The following DNAH2 variants were observed in gnomAD, a reference collection of about 807,000 sequenced individuals.
DNAH2 encodes dynein axonemal heavy chain 2.
In DNAH2, 323 loss-of-function variants were observed where a neutral mutation model predicts 523.5. That is an observed-to-expected ratio of 0.62 (90% CI 0.56 to 0.68). DNAH2 has a LOEUF of 0.68. Ranked by LOEUF, DNAH2 falls within the 30% of genes least tolerant of loss-of-function variation. The pLI is 0.00. For missense variants in DNAH2, 4,907 were observed against 5,701.5 expected (o/e 0.86, Z 4.49); for synonymous variants, 2,093 against 2,177.4 (o/e 0.96, Z 1.08).
At chr17:7,753,270 A>T (rs1414759088) in intron 12 of DNAH2, among the ~76,000 whole-genome samples, 1 of 151,948 alleles carries the variant, frequency 6.6e-6, no homozygotes, top group Non-Finnish European at 1.5e-5. Flanking sequence ...TTCTAGACAC[A>T]TTGAGTTTGA....
intron 24 of DNAH2, among the ~76,000 whole-genome samples, chr17:7,768,625 T>C (rs1026990069): frequency 6.6e-6 from 1 of 152,188 alleles, no homozygotes; most frequent in African/African-American, 2.4e-5. Context: ...ATTGTTGCCG[T>C]GATGTACAGG....
rs766520817 is a variant in DNAH2 at position 7,792,691 on chromosome 17, G to A, written c.7180G>A (p.Asp2394Asn). Reference sequence around the variant, plus strand: ...CTATAAGATCATGGTGCCCACCGTCGACACTGTTCGCTACAACTACCTGGT... The same window carrying A: ...CTATAAGATCATGGTGCCCACCGTCAACACTGTTCGCTACAACTACCTGGT... ...PFYKIMVPTV[D>N]TVRYNYLVSS... Residue 2394 changes from aspartate (D) to asparagine (N), a missense_variant, in exon 47 of 86, where the codon GAC becomes AAC. Asp to Asn is a conservative substitution (Grantham distance 23). Transcript: ENST00000572933. The A allele has an allele frequency of 1.9e-6, 3 of 1,614,002 alleles. No individual in the cohort carries two copies. Among genetic ancestry groups the A allele is most frequent in the East Asian group, 2.2e-5 (1 of 44,884 alleles).
chr17:7,720,798 T>C (rs1029627053), intron 2 of DNAH2, among the ~76,000 whole-genome samples: 3 of 152,146 alleles, frequency 2.0e-5, no homozygotes, highest in African/African-American at 4.8e-5. Context: ...TGTATCCTTC[T>C]GAGTTCTGAA....
At chr17:7,797,145 C>G in intron 50 of DNAH2, 31 bp from the exon 51 acceptor site, 7 of 1,561,034 alleles carry the variant, frequency 4.5e-6, no homozygotes, top group Non-Finnish European at 6.2e-6. Flanking sequence ...TCTTTTTGCT[C>G]CCTGGTCCCA....
intron 61 of DNAH2, among the ~76,000 whole-genome samples, chr17:7,805,632 C>G (rs1019391766): frequency 2.0e-5 from 3 of 152,136 alleles, no homozygotes; most frequent in Non-Finnish European, 2.9e-5. Context: ...GGGCAGATCA[C>G]TTGAGCCCAG....
chr17:7,733,659 A>G (rs1460131483), intron 5 of DNAH2, among the ~76,000 whole-genome samples: 2 of 151,640 alleles, frequency 1.3e-5, no homozygotes, highest in Admixed American at 1.3e-4. Context: ...TTGTATCTTT[A>G]GTAGAGATGG....
At chr17:7,743,655 C>A (rs1384922612) in intron 12 of DNAH2, 2 of 347,334 alleles carry the variant, frequency 5.8e-6, no homozygotes, top group Non-Finnish European at 1.0e-5. Context: ...GACAGAGTGA[C>A]CCTGCCTCAA....
intron 8 of DNAH2, among the ~76,000 whole-genome samples, chr17:7,737,736 G>C (rs958142527): frequency 2.6e-5 from 4 of 152,198 alleles, no homozygotes; most frequent in African/African-American, 9.6e-5. Context: ...GGGCAGGGTG[G>C]CTGCAGAGCT....
chr17:7,792,743 C>G lies in DNAH2; in HGVS notation c.7232C>G (p.Pro2411Arg), dbSNP rs756711131. The G allele has an allele frequency of 3.1e-6, 5 of 1,614,152 alleles. No individual in the cohort carries two copies. The highest frequency in any genetic ancestry group is 1.1e-5 in the South Asian group (1 of 91,082). ...AGCAGCTTGGTGGCCAACCAGAATC[C>G]CATTCTGCTGGTGGGTCCCGTGGGG... ...LVSSLVANQN[P>R]ILLVGPVGTG... The change falls in exon 47 of 86, where the codon CCC (proline) becomes CGC (arginine). Residue 2411 changes from proline (P) to arginine (R), a missense_variant. Around this residue, in one of 3 missense-constraint regions of DNAH2, gnomAD observed 2,806 missense variants for 3,190.8 expected, o/e 0.88. Transcript: ENST00000572933.
At chr17:7,756,975 C>A in intron 12 of DNAH2, 116 bp from the exon 13 acceptor site, 1 of 1,476,984 alleles carries the variant, frequency 6.8e-7, no homozygotes, top group Non-Finnish European at 9.2e-7. Flanking sequence ...CAGGCCTCTG[C>A]TTCATTTCTC....
In DNAH2 at chr17:7,793,152, A is replaced by T; in HGVS notation, c.7516A>T (p.Ile2506Phe). 14 of 1,614,174 alleles carry T rather than the reference A, an allele frequency of 8.7e-6. No individual in the cohort carries two copies. The highest frequency in any genetic ancestry group is 1.2e-5 in the Non-Finnish European group (14 of 1,180,030). The change falls in exon 48 of 86, where the codon ATT (isoleucine) becomes TTT (phenylalanine). Residue 2506 changes from isoleucine (I) to phenylalanine (F), a missense_variant. Ile to Phe is a conservative substitution (Grantham distance 21). Coordinates refer to ENST00000572933, the MANE Select transcript of DNAH2 (RefSeq NM_020877.5). ...ACCCCTGGAGCTGATCCGCCTCTGG[A>T]TTGACTATGGCTTCTGGTATGACCG... ...QPPLELIRLW[I>F]DYGFWYDRTK...
At chr17:7,794,643 C>T (rs1487755492) in intron 49 of DNAH2, among the ~76,000 whole-genome samples, 4 of 152,032 alleles carry the variant, frequency 2.6e-5, no homozygotes, top group East Asian at 1.9e-4. Context: ...ACAAAGCCCA[C>T]GGCAGTGTCA....
At chr17:7,790,129 T>A (rs561918298) in intron 44 of DNAH2, among the ~76,000 whole-genome samples, 1 of 152,338 alleles carries the variant, frequency 6.6e-6, no homozygotes, top group Non-Finnish European at 1.5e-5. Flanking sequence ...ATGTGCTCCA[T>A]GCGCCCAGTC....
At chr17:7,755,552 AG>A (rs1402898397) in intron 12 of DNAH2, among the ~76,000 whole-genome samples, 1 of 152,178 alleles carries the variant, frequency 6.6e-6, no homozygotes, top group Non-Finnish European at 1.5e-5. Context: ...AAGAAAAACC[AG>A]GGGTCAGTGG....
rs754396028 is a variant in DNAH2 at position 7,763,960 on chromosome 17, G to A, written c.3108G>A (p.Ala1036=). The A allele has an allele frequency of 9.3e-6, 15 of 1,614,070 alleles. No individual in the cohort carries two copies. Among genetic ancestry groups the A allele is most frequent in the Non-Finnish European group, 1.1e-5 (13 of 1,180,046 alleles). Residue 1036 remains alanine, a synonymous_variant, in exon 19 of 86, where the codon GCG becomes GCA. Transcript: ENST00000572933. ...GCAATGAATGGCAGAACAAGTTCGCGACTCTGCTCAGGGAGATGGCTGCTG... is the reference window on the plus strand; with the variant it reads ...GCAATGAATGGCAGAACAAGTTCGCAACTCTGCTCAGGGAGATGGCTGCTG... The part of the protein sequence containing the change: ...QHCNEWQNKF[A]TLLREMAAGR...
At chr17:7,720,208 C>A (rs1320020175) in intron 2 of DNAH2, among the ~76,000 whole-genome samples, 1 of 152,156 alleles carries the variant, frequency 6.6e-6, no homozygotes, top group Admixed American at 6.6e-5. Context: ...TTGCTCCTAC[C>A]CCACTGAAGA....
intron 5 of DNAH2, among the ~76,000 whole-genome samples, 157 bp downstream of exon 5, chr17:7,733,472 C>CTTTTTTTTTTTTTTTTT (rs1567611229): frequency 7.9e-6 from 1 of 125,984 alleles, no homozygotes; most frequent in African/African-American, 3.0e-5. Context: ...CCGCCTTCTT[C>CTTTTTTTTTTTTTTTTT]TTCTTTTTTT....
In DNAH2 at chr17:7,807,110, A is replaced by G. The variant is rs2077387187; in HGVS notation, c.9443-40A>G. 6.3e-7 allele frequency: 1 copy of G among 1,589,678 alleles called. No homozygotes were observed. Among genetic ancestry groups the G allele is most frequent in the Non-Finnish European group, 8.5e-7 (1 of 1,173,952 alleles). Reference sequence around the variant, plus strand: ...GAAACTGCTGGACAAGGAGGATGGCATTAAGCCTCTGGCTAAGGCCCCTAA... The same window carrying G: ...GAAACTGCTGGACAAGGAGGATGGCGTTAAGCCTCTGGCTAAGGCCCCTAA... On this transcript the variant is annotated intron_variant, in intron 61 of 85. Coordinates refer to ENST00000572933, the MANE Select transcript of DNAH2 (RefSeq NM_020877.5). The surrounding 1 kb of genome is among the most constrained non-coding windows in gnomAD (Gnocchi z 5.6).
Position 7,737,181 on chromosome 17 carries a change from A to G in DNAH2, c.1093A>G (p.Ile365Val). 6.2e-7 allele frequency: 1 copy of G among 1,614,118 alleles called. No individual in the cohort carries two copies. Among genetic ancestry groups the G allele is most frequent in the Non-Finnish European group, 8.5e-7 (1 of 1,180,004 alleles). Reference protein sequence around the residue: ...KDISSKLPKLISLIRIIWVNS... With the variant: ...KDISSKLPKLVSLIRIIWVNS... Reference sequence around the variant, plus strand: ...CATCTCTAGCAAGCTCCCTAAGCTGATCAGTCTCATCCGCATCATCTGGGT... The same window carrying G: ...CATCTCTAGCAAGCTCCCTAAGCTGGTCAGTCTCATCCGCATCATCTGGGT... The change falls in exon 8 of 86, where the codon ATC (isoleucine) becomes GTC (valine). Residue 365 changes from isoleucine (I) to valine (V), a missense_variant. Around this residue, in one of 3 missense-constraint regions of DNAH2, gnomAD observed 2,806 missense variants for 3,190.8 expected, o/e 0.88. Transcript: ENST00000572933.
Sources: gnomAD v4.1 joint callset for allele counts (sites outside exome capture counted in the v4.1 genomes callset) on GRCh38, gnomAD v4.1.1 for gene constraint, gnomAD v4.1.1 regional missense constraint, Gnocchi (gnomAD v3.1) non-coding constraint, MANE v1.5 for transcripts, NCBI Gene and HGNC (gene_info 2026-07-23, HGNC 2026-07-21) for gene names.